FAAP20: variants seen among roughly 807,000 people sequenced by gnomAD.
FAAP20 encodes Fanconi anemia core complex-associated protein 20.
A neutral mutation model predicts 16.2 loss-of-function variants in FAAP20; 12 were observed. The observed-to-expected ratio is 0.74, with a 90% CI of 0.48 to 1.20. FAAP20 has a LOEUF of 1.20. Ranked by LOEUF, FAAP20 falls within the 50% of genes most tolerant of loss-of-function variation. The probability of loss-of-function intolerance (pLI) is 0.00; values close to 1 mark genes in which losing one functional copy is unlikely to be tolerated. For missense variants in FAAP20, 288 were observed against 245.8 expected (o/e 1.17, Z -1.15); for synonymous variants, 141 against 110.7 (o/e 1.27, Z -1.72).
At chr1:2,185,202 G>T (rs1572080754), downstream of FAAP20, 2 of 707,930 alleles carry the variant, frequency 2.8e-6, no homozygotes, top group East Asian at 5.4e-5. Flanking sequence ...GCCCGGGCAG[G>T]CCAGCTTCGT....
At chr1:2,211,397 TTTTATATATATATA>T (rs1689433188), downstream of FAAP20, among the ~76,000 whole-genome samples, 1 of 53,698 alleles carries the variant, frequency 1.9e-5, no homozygotes, top group East Asian at 4.7e-4. Context: ...GCCTGGCTAA[TTTTATATATATATA>T]TATATATATA....
At chr1:2,200,921 C>T (rs973162853), upstream of FAAP20, 24 of 1,135,650 alleles carry the variant, frequency 2.1e-5, no homozygotes, top group South Asian at 3.7e-5. Flanking sequence ...TCTGGCTTCT[C>T]GGCTCTGTAG....
At chr1:2,194,836 C>T, upstream of FAAP20, 2 of 1,060,064 alleles carry the variant, frequency 1.9e-6, no homozygotes, top group Non-Finnish European at 2.3e-6. Context: ...CTCCAGACCT[C>T]TGCAGCGAGG....
chr1:2,199,279 T>C, upstream of FAAP20: 2 of 1,074,888 alleles, frequency 1.9e-6, no homozygotes, highest in Non-Finnish European at 2.3e-6. This position sits in a 1 kb window ranked among gnomAD's most constrained non-coding sequence, Gnocchi z 4.5. Context: ...CCACAGCCTG[T>C]CCTCCATCCC....
downstream of FAAP20, chr1:2,189,512 C>T (rs1687913821): frequency 6.5e-6 from 4 of 614,822 alleles, no homozygotes; most frequent in South Asian, 1.8e-5. Context: ...AGTGAATCTG[C>T]CCTAAACCAA....
At chr1:2,189,521 A>G (rs893612915), downstream of FAAP20, 3 of 621,110 alleles carry the variant, frequency 4.8e-6, no homozygotes, top group Admixed American at 7.2e-5. Flanking sequence ...GCCCTAAACC[A>G]AACGTCAGAA....
downstream of FAAP20, among the ~76,000 whole-genome samples, chr1:2,209,881 T>C (rs373068465): frequency 4.1e-4 from 62 of 152,242 alleles, 1 homozygote; most frequent in African/African-American, 1.4e-3. Context: ...AGGAGGCGCT[T>C]CAGTGGACGC....
chr1:2,193,952 C>T lies in FAAP20; in HGVS notation c.199-42G>A, dbSNP rs376051551. ...TTGGGCCTTGCCCAGCGATGGCTCC[C>T]GCCCTGGAAACCCCTTCATCGCTAA... On this transcript the variant is annotated intron_variant, in intron 2 of 3. Coordinates refer to ENST00000378546, the MANE Select transcript of FAAP20 (RefSeq NM_182533.4). 26 of 1,612,182 alleles carry T rather than the reference C, an allele frequency of 1.6e-5. No individual in the cohort carries two copies. The African/African-American group carries it at 2.7e-4, about 17-fold the overall frequency.
intron 3 of FAAP20, chr1:2,192,966 G>C: frequency 1.5e-6 from 2 of 1,304,056 alleles, no homozygotes; most frequent in South Asian, 2.5e-5. Context: ...TTCCCGAGCT[G>C]TTTTTGCTTC....
chr1:2,201,060 C>T (rs1380838190), upstream of FAAP20: 1 of 1,289,114 alleles, frequency 7.8e-7, no homozygotes, highest in South Asian at 1.2e-5. Flanking sequence ...CTGTGGCGCA[C>T]AGGTTTCCAC....
upstream of FAAP20, chr1:2,198,430 C>T: frequency 2.7e-6 from 1 of 373,800 alleles, no homozygotes; most frequent in Non-Finnish European, 4.9e-6. Context: ...AGAAGCCAGG[C>T]TGGCCGTAGG....
chr1:2,193,119 GC>G, intron 3 of FAAP20: 2 of 795,394 alleles, frequency 2.5e-6, no homozygotes, highest in Non-Finnish European at 1.7e-6. Context: ...GAGGCCAAGG[GC>G]CCAGAGGTCG....
At chr1:2,200,793 A>G (rs1689018797), upstream of FAAP20, 5 of 1,006,376 alleles carry the variant, frequency 5.0e-6, no homozygotes, top group Non-Finnish European at 5.9e-6. Context: ...AGGCTCCCCC[A>G]TGGGCCAAGA....
At position 2,189,690 on chromosome 1, in the gene FAAP20, C is replaced by G. The variant is rs766401354; in HGVS notation, c.*19G>C. Reference sequence around the variant, plus strand: ...GCGTGTCCGGGCGCCGCACTCTGCGCAGGGCTCTTGGATGGCGCTCACCAC... The same window carrying G: ...GCGTGTCCGGGCGCCGCACTCTGCGGAGGGCTCTTGGATGGCGCTCACCAC... On this transcript the variant is annotated 3_prime_UTR_variant, in exon 4 of 4. Coordinates refer to ENST00000378546, the MANE Select transcript of FAAP20 (RefSeq NM_182533.4). 3 of 1,605,550 alleles carry G rather than the reference C, an allele frequency of 1.9e-6. No homozygotes were observed. The highest frequency in any genetic ancestry group is 2.6e-6 in the Non-Finnish European group (3 of 1,174,772).
At chr1:2,201,375 CG>C (rs535300034), upstream of FAAP20, 15 of 495,968 alleles carry the variant, frequency 3.0e-5, no homozygotes, top group East Asian at 1.7e-3. Context: ...AAGGCACCGC[CG>C]GGGGCTTAGG....
At position 2,194,116 on chromosome 1, in the gene FAAP20, G is replaced by A; in HGVS notation, c.80C>T (p.Pro27Leu). The change falls in exon 2 of 4, where the codon CCC becomes CTC. Residue 27 changes from proline to leucine, a missense_variant. By Grantham distance (98) the Pro-to-Leu change is moderately conservative. Transcript: ENST00000378546. Reference protein sequence around the residue: ...RPAGGPSGGRPWFLLGGDERE... With the variant: ...RPAGGPSGGRLWFLLGGDERE... Reference sequence around the variant, plus strand: ...CTCATCACCCCCCAGGAGAAACCAGGGGCGGCCGCCAGAAGGCCTGGGGCA... The same window carrying A: ...CTCATCACCCCCCAGGAGAAACCAGAGGCGGCCGCCAGAAGGCCTGGGGCA... 1.2e-6 allele frequency: 2 copies of A among 1,612,296 alleles called. No individual in the cohort carries two copies. The highest frequency in any genetic ancestry group is 1.7e-6 in the Non-Finnish European group (2 of 1,179,812).
downstream of FAAP20, chr1:2,187,314 C>CT (rs1339371582): frequency 5.3e-4 from 173 of 325,696 alleles, 1 homozygote; most frequent in Non-Finnish European, 8.6e-4. Context: ...TTTTTTTTTT[C>CT]TTTTTTTTGA....
chr1:2,210,219 C>T (rs927528475), downstream of FAAP20, among the ~76,000 whole-genome samples: 3 of 152,234 alleles, frequency 2.0e-5, no homozygotes, highest in Admixed American at 1.3e-4. Flanking sequence ...GGACTTCACA[C>T]CTGAAATCAA....
chr1:2,191,746 A>G (rs1254684108), intron 3 of FAAP20: 2 of 851,878 alleles, frequency 2.3e-6, no homozygotes, highest in Non-Finnish European at 2.8e-6. Context: ...GTCTCAAAAA[A>G]AAAAAAAAAT....
Sources: allele counts gnomAD v4.1 joint callset (sites outside exome capture counted in the v4.1 genomes callset), GRCh38; gene constraint gnomAD v4.1.1; non-coding constraint Gnocchi (gnomAD v3.1); transcripts MANE v1.5; gene names NCBI Gene and HGNC (gene_info 2026-07-23, HGNC 2026-07-21).